The following SNTG1 variants were observed in gnomAD, a reference collection of about 807,000 sequenced individuals.
The protein encoded by SNTG1 is syntrophin gamma 1, also known as gamma-1-syntrophin.
SNTG1 carries 39 observed loss-of-function variants against 74.7 expected under a neutral mutation model. The observed-to-expected ratio is 0.52, with a 90% CI of 0.40 to 0.68. SNTG1 has a LOEUF of 0.68. Among genes scored for constraint, SNTG1 ranks in the 30% least tolerant of loss-of-function variants. The pLI is 0.00. For synonymous variants in SNTG1, 254 were observed against 217.1 expected (o/e 1.17, Z -1.49); for missense variants, 685 against 609.5 (o/e 1.12, Z -1.30).
intron 1 of SNTG1, among the ~76,000 whole-genome samples, chr8:50,096,135 C>T (rs2079918138): frequency 1.3e-5 from 2 of 152,252 alleles, no homozygotes; most frequent in African/African-American, 4.8e-5. Flanking sequence ...TCTCCAAGGT[C>T]AGATGGCTAA....
chr8:50,502,877 G>T lies in SNTG1; in HGVS notation c.463G>T (p.Ala155Ser). 1.9e-6 allele frequency: 3 copies of T among 1,609,526 alleles called. No individual in the cohort carries two copies. The highest frequency in any genetic ancestry group is 1.7e-6 in the Non-Finnish European group (2 of 1,176,594). The change falls in exon 9 of 19, where the codon GCA becomes TCA. Residue 155 changes from alanine to serine, a missense_variant. Ala to Ser is a moderately conservative substitution (Grantham distance 99). Coordinates refer to ENST00000642720, the MANE Select transcript of SNTG1 (RefSeq NM_018967.5). ...CAAACTCCCATTGAATGAAGATTGT[G>T]CATGTAAGCATTTATAAAGAATAGA... ...FLKLPLNEDC[A>S]CAPSDQSSGT... is the part of the protein sequence containing the mutation.
chr8:50,737,066 G>A (rs536681702), intron 17 of SNTG1, among the ~76,000 whole-genome samples: 22 of 151,954 alleles, frequency 1.4e-4, no homozygotes, highest in South Asian at 2.1e-4. Flanking sequence ...TCAAATCAGA[G>A]CAGAAATGAA....
chr8:50,564,335 C>T (rs1453319660), intron 12 of SNTG1, among the ~76,000 whole-genome samples: 6 of 151,778 alleles, frequency 4.0e-5, no homozygotes, highest in African/African-American at 4.8e-5. Flanking sequence ...TGATTTTGTA[C>T]AATAATATAT....
At chr8:49,931,045 T>C (rs960644081) in intron 1 of SNTG1, among the ~76,000 whole-genome samples, 2 of 152,310 alleles carry the variant, frequency 1.3e-5, no homozygotes, top group East Asian at 1.9e-4. Flanking sequence ...TAAAAGACTT[T>C]GCAATTCCCC....
intron 2 of SNTG1, among the ~76,000 whole-genome samples, chr8:50,223,856 C>T (rs747390645): frequency 1.1e-4 from 17 of 151,748 alleles, no homozygotes; most frequent in Non-Finnish European, 2.4e-4. Flanking sequence ...ATTAGCTACA[C>T]AAAAATAGTG....
At chr8:50,077,157 C>G (rs1821968251) in intron 1 of SNTG1, among the ~76,000 whole-genome samples, 1 of 152,156 alleles carries the variant, frequency 6.6e-6, no homozygotes, top group Admixed American at 6.5e-5. Flanking sequence ...ATTTTGGCTA[C>G]AAAGTAGTTA....
chr8:50,687,716 C>G (rs1402588324), intron 15 of SNTG1, among the ~76,000 whole-genome samples: 1 of 152,106 alleles, frequency 6.6e-6, no homozygotes, highest in Non-Finnish European at 1.5e-5. Flanking sequence ...TGCTATCCCT[C>G]CCCCCTCGCC....
intron 13 of SNTG1, among the ~76,000 whole-genome samples, chr8:50,596,670 G>A (rs1345591251): frequency 5.3e-5 from 8 of 151,964 alleles, no homozygotes; most frequent in Non-Finnish European, 8.8e-5. Context: ...ATACAAAACC[G>A]TCTTGAATAC....
At chr8:50,009,918 A>G (rs1815609227) in intron 1 of SNTG1, among the ~76,000 whole-genome samples, 1 of 152,066 alleles carries the variant, frequency 6.6e-6, no homozygotes, top group Admixed American at 6.6e-5. Flanking sequence ...ATTCCTTGAA[A>G]CCAGGAGGTG....
intron 4 of SNTG1, among the ~76,000 whole-genome samples, chr8:50,408,126 C>T (rs548353796): frequency 1.3e-5 from 2 of 152,246 alleles, no homozygotes; most frequent in African/African-American, 4.8e-5. Flanking sequence ...CTGTTTATGC[C>T]TATGTCTTAG....
At chr8:50,356,383 C>T (rs1226594717) in intron 2 of SNTG1, among the ~76,000 whole-genome samples, 1 of 152,068 alleles carries the variant, frequency 6.6e-6, no homozygotes, top group Non-Finnish European at 1.5e-5. Context: ...ATTTAGGGCC[C>T]AAAGGCAAGG....
intron 2 of SNTG1, among the ~76,000 whole-genome samples, chr8:50,332,481 A>T (rs1003772315): frequency 6.6e-6 from 1 of 152,140 alleles, no homozygotes; most frequent in Non-Finnish European, 1.5e-5. Context: ...ATTAATACTA[A>T]AATAAATTTC....
At chr8:50,491,037 A>G (rs1443502044) in intron 8 of SNTG1, 2 of 152,932 alleles carry the variant, frequency 1.3e-5, no homozygotes, top group Non-Finnish European at 2.9e-5. Flanking sequence ...ATGCTTGGAA[A>G]CCTTGGACAC....
rs1355314560 is a variant in SNTG1, at chr8:50,713,774, T to C, written c.1284+4796T>C. Among the ~76,000 whole-genome samples the C allele has an allele frequency of 2.0e-5, 3 of 152,152 alleles. No individual in the cohort carries two copies. The East Asian group carries it at 5.8e-4, about 29-fold the overall frequency. On this transcript the variant is annotated intron_variant, in intron 17 of 18. Coordinates refer to ENST00000642720, the MANE Select transcript of SNTG1 (RefSeq NM_018967.5). ...CCAGCACCATATATTAAATAGGGAATCCTGGCTGGGTGTGGTGGCTCACAT... is the reference window on the plus strand; with the variant it reads ...CCAGCACCATATATTAAATAGGGAACCCTGGCTGGGTGTGGTGGCTCACAT...
chr8:50,388,653 T>C (rs1468294633), intron 2 of SNTG1, among the ~76,000 whole-genome samples: 2 of 152,156 alleles, frequency 1.3e-5, no homozygotes, highest in Non-Finnish European at 2.9e-5. Context: ...CTGGAAACTC[T>C]CATGCAGAAG....
intron 2 of SNTG1, among the ~76,000 whole-genome samples, chr8:50,245,405 G>C (rs575404618): frequency 6.6e-6 from 1 of 152,130 alleles, no homozygotes; most frequent in Non-Finnish European, 1.5e-5. Flanking sequence ...AAAATAGCCT[G>C]AGTGTGGTGG....
rs527238951 is a variant in SNTG1 at position 50,455,904 on chromosome 8, T to C, written c.363+5175T>C. 3.9e-5 allele frequency among the ~76,000 whole-genome samples: 6 copies of C among 152,314 alleles called. No individual in the cohort carries two copies. The East Asian group carries it at 1.2e-3, about 29-fold the overall frequency. ...GTTTTGAGCTCTAAGTGATTAATAC[T>C]GCCTTAAGAATTCTAACCATACTGG... On this transcript the variant is annotated intron_variant, in intron 8 of 18. Coordinates refer to ENST00000642720, the MANE Select transcript of SNTG1 (RefSeq NM_018967.5).
chr8:50,526,824 A>G (rs2094224093), intron 9 of SNTG1, among the ~76,000 whole-genome samples: 1 of 151,860 alleles, frequency 6.6e-6, no homozygotes, highest in Non-Finnish European at 1.5e-5. Flanking sequence ...GGGTTTCACC[A>G]TGTTGGCCAG....
intron 1 of SNTG1, among the ~76,000 whole-genome samples, chr8:50,038,040 G>A (rs1194177694): frequency 6.6e-6 from 1 of 152,044 alleles, no homozygotes; most frequent in Non-Finnish European, 1.5e-5. Flanking sequence ...CTCCAACTAC[G>A]ATACGCTTTC....
Sources: allele counts gnomAD v4.1 joint callset (sites outside exome capture counted in the v4.1 genomes callset), GRCh38; gene constraint gnomAD v4.1.1; transcripts MANE v1.5; gene names NCBI Gene and HGNC (gene_info 2026-07-23, HGNC 2026-07-21).